PDE4D: variants seen among roughly 807,000 people sequenced by gnomAD.
PDE4D encodes the protein phosphodiesterase 4D.
In PDE4D, 24 loss-of-function variants were observed where a neutral mutation model predicts 87.4. The observed-to-expected ratio is 0.27, with a 90% CI of 0.20 to 0.39. The LOEUF is 0.39. Ranked by LOEUF, PDE4D falls within the 10% of genes least tolerant of loss-of-function variation. The pLI, the probability that PDE4D is intolerant of heterozygous loss-of-function variation, is 1.00. For missense variants in PDE4D, 714 were observed against 1,041.0 expected, an observed-to-expected ratio of 0.69 and a Z score of 4.32; for synonymous variants, 384 against 383.2, an observed-to-expected ratio of 1.00 and a Z score of -0.02.
chr5:60,197,094 T>C lies in PDE4D; in HGVS notation c.-89-11407A>G, dbSNP rs144365858. Among the ~76,000 whole-genome samples, 1,249 of 140,930 alleles carry C rather than the reference T, an allele frequency of 8.9e-3. 36 individuals are homozygous for C. The highest frequency in any genetic ancestry group is 0.011 in the Middle Eastern group (3 of 276). 92.5% of individuals were successfully genotyped at this position (140,930 alleles called of 152,430 possible). On this transcript the variant is annotated intron_variant, in intron 1 of 16. Transcript: ENST00000502484. ...ATAGACAGTTAGATAGATAGATAGA[T>C]AGATAGATAGATAGATAGATAGATA...
chr5:60,017,255 T>C (rs923787733), intron 2 of PDE4D, among the ~76,000 whole-genome samples: 1 of 152,172 alleles, frequency 6.6e-6, no homozygotes, highest in Non-Finnish European at 1.5e-5. Context: ...TGTTGTTCCA[T>C]TTATAGAGCA....
chr5:59,430,187 A>G, intron 1 of PDE4D: 1 of 1,035,882 alleles, frequency 9.7e-7, no homozygotes, highest in Non-Finnish European at 1.2e-6. Flanking sequence ...ATAAAAACTA[A>G]CTTCTCACCC....
At position 60,182,588 on chromosome 5, in the gene PDE4D, C is replaced by T. The variant is rs191964964; in HGVS notation, c.42+2969G>A. Among the ~76,000 whole-genome samples the T allele has an allele frequency of 5.6e-3, 854 of 152,176 alleles. 11 individuals are homozygous for T. The highest frequency in any genetic ancestry group is 4.3e-3 in the Non-Finnish European group (291 of 67,998). On this transcript the variant is annotated intron_variant, in intron 2 of 16. Coordinates refer to the PDE4D transcript ENST00000502484. ...CAGAGGTTGCAGTGAGCTGAGATCC[C>T]GGCATTGCACTCCAGCGCCGTGGCT...
At chr5:60,433,279 T>C (rs533193452) in intron 1 of PDE4D, among the ~76,000 whole-genome samples, 21 of 152,140 alleles carry the variant, frequency 1.4e-4, no homozygotes, top group Admixed American at 1.2e-3. Flanking sequence ...AAGACACTTT[T>C]CAAAATAAGA....
At chr5:60,476,544 T>C (rs568191267) in intron 1 of PDE4D, among the ~76,000 whole-genome samples, 1 of 152,320 alleles carries the variant, frequency 6.6e-6, no homozygotes, top group Non-Finnish European at 1.5e-5. Context: ...TGGATTGCCA[T>C]GGCACTTAGA....
At chr5:59,865,180 G>T (rs1439291473) in intron 1 of PDE4D, among the ~76,000 whole-genome samples, 1 of 152,130 alleles carries the variant, frequency 6.6e-6, no homozygotes, top group Non-Finnish European at 1.5e-5. Context: ...AAACTAGGTG[G>T]CTCTTAAAAC....
intron 1 of PDE4D, among the ~76,000 whole-genome samples, chr5:59,516,516 G>A (rs1284453510): frequency 6.6e-6 from 1 of 152,144 alleles, no homozygotes; most frequent in African/African-American, 2.4e-5. Context: ...AGAAAACGCT[G>A]CCAAGAAAAA....
At chr5:60,378,971 G>A (rs1206959210) in intron 1 of PDE4D, among the ~76,000 whole-genome samples, 1 of 152,128 alleles carries the variant, frequency 6.6e-6, no homozygotes, top group African/African-American at 2.4e-5. Flanking sequence ...AAGCTGTTAT[G>A]CCAAATTTGA....
rs554759897 is a variant in PDE4D, at chr5:59,861,291, A to T, written c.455+31877T>A. Among the ~76,000 whole-genome samples, 4 of 152,116 alleles carry T rather than the reference A, an allele frequency of 2.6e-5. 1 individual carries two copies. In the South Asian group the frequency reaches 8.3e-4, roughly 32 times the overall value. ...AGAAATTTAAGAATCAATAAGCCTAATTTTTTTTAACTCCAGCAACAATTT... is the reference window on the plus strand; with the variant it reads ...AGAAATTTAAGAATCAATAAGCCTATTTTTTTTTAACTCCAGCAACAATTT... On this transcript the variant is annotated intron_variant, in intron 1 of 14. Coordinates refer to ENST00000340635, the MANE Select transcript of PDE4D (RefSeq NM_001104631.2).
intron 1 of PDE4D, among the ~76,000 whole-genome samples, chr5:59,467,655 T>C (rs944556020): frequency 2.6e-5 from 4 of 152,188 alleles, no homozygotes; most frequent in Admixed American, 6.5e-5. Context: ...TCCACGGCCA[T>C]ATAAAAAAGG....
intron 1 of PDE4D, among the ~76,000 whole-genome samples, chr5:60,394,973 C>T (rs1442370873): frequency 2.0e-5 from 3 of 152,158 alleles, no homozygotes; most frequent in Admixed American, 6.5e-5. Flanking sequence ...CTCACATTTT[C>T]GCCTTCAGGG....
intron 1 of PDE4D, among the ~76,000 whole-genome samples, chr5:60,444,210 C>T (rs1037705005): frequency 7.2e-5 from 11 of 152,098 alleles, no homozygotes; most frequent in Non-Finnish European, 1.5e-4. Flanking sequence ...CCATTCTGTC[C>T]TTACTTCTGT....
intron 1 of PDE4D, among the ~76,000 whole-genome samples, chr5:59,567,205 T>G (rs1285024232): frequency 6.6e-6 from 1 of 152,230 alleles, no homozygotes; most frequent in Non-Finnish European, 1.5e-5. Context: ...AAAGTTGCTT[T>G]AATATCTGAA....
At chr5:59,328,666 CA>C (rs1167977622) in intron 1 of PDE4D, among the ~76,000 whole-genome samples, 2 of 152,114 alleles carry the variant, frequency 1.3e-5, no homozygotes, top group Non-Finnish European at 2.9e-5. Context: ...TGTGTTTTTA[CA>C]TTTTCCTCAG....
At chr5:59,131,219 T>C (rs1278543338) in intron 5 of PDE4D, among the ~76,000 whole-genome samples, 2 of 152,228 alleles carry the variant, frequency 1.3e-5, no homozygotes, top group East Asian at 3.9e-4. Flanking sequence ...GTTGCCTTCA[T>C]GGTGCTTAAG....
intron 2 of PDE4D, among the ~76,000 whole-genome samples, chr5:60,030,318 C>T (rs1397597791): frequency 2.0e-5 from 3 of 152,122 alleles, no homozygotes; most frequent in South Asian, 2.1e-4. Flanking sequence ...GGCGCGGTGG[C>T]GGGCACCTGT....
At chr5:59,411,885 G>A (rs1230726099) in intron 1 of PDE4D, among the ~76,000 whole-genome samples, 2 of 152,108 alleles carry the variant, frequency 1.3e-5, no homozygotes, top group Admixed American at 1.3e-4. Flanking sequence ...ACTTAATGAC[G>A]CTGGGACCAT....
At chr5:59,678,073 G>A (rs1389938253) in intron 1 of PDE4D, among the ~76,000 whole-genome samples, 1 of 151,984 alleles carries the variant, frequency 6.6e-6, no homozygotes, top group Non-Finnish European at 1.5e-5. Flanking sequence ...AATCAGCAAG[G>A]CACTAAAATG....
At chr5:60,162,368 A>G (rs1559277) in intron 2 of PDE4D, among the ~76,000 whole-genome samples, 151,410 of 152,246 alleles carry the variant, frequency 0.99, 75,305 homozygotes, top group Middle Eastern at 1. Context: ...GGCCTCTTTA[A>G]GTCTCCGCAG....
Sources: gnomAD v4.1 joint callset for allele counts (sites outside exome capture counted in the v4.1 genomes callset) on GRCh38, gnomAD v4.1.1 for gene constraint, MANE v1.5 for transcripts, NCBI Gene and HGNC (gene_info 2026-07-23, HGNC 2026-07-21) for gene names.